The following CCT6B variants were observed in gnomAD, a reference collection of about 807,000 sequenced individuals.
The protein encoded by CCT6B is chaperonin containing TCP1 subunit 6B.
In CCT6B, 49 loss-of-function variants were observed where a neutral mutation model predicts 61.5. That is an observed-to-expected ratio of 0.80 (90% CI 0.63 to 1.01). The LOEUF is 1.01. CCT6B is among the 50% of genes least tolerant of loss of function. The pLI is 0.00. For missense variants in CCT6B, 666 were observed against 634.7 expected, an observed-to-expected ratio of 1.05 and a Z score of -0.53; for synonymous variants, 228 against 214.5, an observed-to-expected ratio of 1.06 and a Z score of -0.55.
intron 4 of CCT6B, among the ~76,000 whole-genome samples, chr17:34,953,337 A>ATT (rs1471699937): frequency 1.4e-4 from 14 of 99,540 alleles, no homozygotes; most frequent in African/African-American, 3.9e-4. Context: ...ATATATATAT[A>ATT]TATATTTTTT....
At chr17:34,936,630 C>A (rs1480438041) in intron 10 of CCT6B, among the ~76,000 whole-genome samples, 2 of 151,920 alleles carry the variant, frequency 1.3e-5, no homozygotes, top group African/African-American at 2.4e-5. Flanking sequence ...ATATTAGCAA[C>A]TAACAATCAG....
At chr17:34,954,801 A>G (rs2090330983) in intron 3 of CCT6B, among the ~76,000 whole-genome samples, 1 of 152,258 alleles carries the variant, frequency 6.6e-6, no homozygotes, top group Non-Finnish European at 1.5e-5. Flanking sequence ...GTCTAGTATT[A>G]AAAATTACAG....
chr17:34,928,700 A>G (rs2089997065), intron 13 of CCT6B, among the ~76,000 whole-genome samples: 1 of 152,184 alleles, frequency 6.6e-6, no homozygotes, highest in Non-Finnish European at 1.5e-5. Flanking sequence ...ATGTGCTATT[A>G]TTTCAGTAAA....
rs565083032 is a variant in CCT6B at position 34,961,460 on chromosome 17, C to T, written c.-67G>A. 71 of 1,560,596 alleles carry T rather than the reference C, an allele frequency of 4.5e-5. No individual in the cohort carries two copies. The African/African-American group carries it at 9.2e-4, about 20-fold the overall frequency. The stretch of plus-strand genomic sequence containing the variant: ...GCGATTCTGAGCAAAAACGGCAATG[C>T]GACGCCACGCTCTCTTGAGCCTCGG... On this transcript the variant is annotated 5_prime_UTR_variant, in exon 1 of 14. Transcript: ENST00000314144.
At chr17:34,942,946 T>C in intron 5 of CCT6B, 40 bp from the exon 6 acceptor site, 1 of 1,148,300 alleles carries the variant, frequency 8.7e-7, no homozygotes. Context: ...GAATATATAC[T>C]CTAAAATTTG....
At chr17:34,958,905 CTT>C (rs2090379179) in intron 2 of CCT6B, among the ~76,000 whole-genome samples, 2 of 152,110 alleles carry the variant, frequency 1.3e-5, no homozygotes, top group Non-Finnish European at 1.5e-5. Context: ...TCATAAAAGT[CTT>C]TGCTTCAGAA....
intron 5 of CCT6B, 96 bp downstream of exon 5, chr17:34,951,854 A>G: frequency 1.7e-6 from 1 of 573,378 alleles, no homozygotes; most frequent in Non-Finnish European, 3.0e-6. Flanking sequence ...GTGAATGAAT[A>G]TATTTATGTT....
In CCT6B at chr17:34,954,408, A is replaced by G. The variant is rs1026406139; in HGVS notation, c.510+18T>C. Reference sequence around the variant, plus strand: ...ATTAGGCTATATTTGTTCTGAATGCAAAAGTTTAATAACATACCTCTGTTA... The same window carrying G: ...ATTAGGCTATATTTGTTCTGAATGCGAAAGTTTAATAACATACCTCTGTTA... On this transcript the variant is annotated intron_variant, in intron 4 of 13. Transcript: ENST00000314144. 4.4e-6 allele frequency: 7 copies of G among 1,576,228 alleles called. No individual in the cohort carries two copies. The East Asian group carries it at 9.1e-5, about 21-fold the overall frequency.
At chr17:34,952,906 C>G (rs2090308059) in intron 4 of CCT6B, among the ~76,000 whole-genome samples, 2 of 152,120 alleles carry the variant, frequency 1.3e-5, no homozygotes, top group South Asian at 4.1e-4. Context: ...TTCTGTAACT[C>G]TAAAACAGAA....
At chr17:34,941,470 A>G (rs990911664) in intron 7 of CCT6B, among the ~76,000 whole-genome samples, 1 of 152,240 alleles carries the variant, frequency 6.6e-6, no homozygotes, top group Non-Finnish European at 1.5e-5. Context: ...TCTTTTAAGT[A>G]TTGGAAAGCT....
intron 10 of CCT6B, among the ~76,000 whole-genome samples, chr17:34,938,356 C>T (rs1019768130): frequency 2.6e-5 from 4 of 151,972 alleles, no homozygotes; most frequent in African/African-American, 9.7e-5. Flanking sequence ...TGCTTGAGGC[C>T]AGGAGTTCAA....
At chr17:34,933,755 A>C (rs553465737) in intron 10 of CCT6B, among the ~76,000 whole-genome samples, 1 of 152,338 alleles carries the variant, frequency 6.6e-6, no homozygotes, top group African/African-American at 2.4e-5. Context: ...GCAGTACTTA[A>C]AGAGAAATTT....
At position 34,932,321 on chromosome 17, in the gene CCT6B, C is replaced by T. The variant is rs1042923524; in HGVS notation, c.1347+46G>A. 7 of 1,552,438 alleles carry T rather than the reference C, an allele frequency of 4.5e-6. No homozygotes were observed. The South Asian group carries it at 7.5e-5, about 17-fold the overall frequency. On this transcript the variant is annotated intron_variant, in intron 11 of 13. Transcript: ENST00000314144. Reference sequence around the variant, plus strand: ...AATATGGGCAATTTGTAATTAAACACCTTTATGTCTAAGCAGTTGTTATTT... The same window carrying T: ...AATATGGGCAATTTGTAATTAAACATCTTTATGTCTAAGCAGTTGTTATTT...
intron 5 of CCT6B, among the ~76,000 whole-genome samples, chr17:34,948,352 A>G (rs1238621098): frequency 6.6e-6 from 1 of 152,222 alleles, no homozygotes; most frequent in Admixed American, 6.5e-5. Flanking sequence ...TATGACACAA[A>G]AAATCATGTA....
At chr17:34,940,749 C>T (rs2090154184) in intron 7 of CCT6B, 128 bp from the exon 8 acceptor site, 1 of 417,032 alleles carries the variant, frequency 2.4e-6, no homozygotes, top group Admixed American at 4.2e-5. Context: ...TTTATGTAAG[C>T]TCTATCTATA....
chr17:34,953,341 A>ATATATATATATATT (rs1555550678), intron 4 of CCT6B, among the ~76,000 whole-genome samples: 5 of 139,828 alleles, frequency 3.6e-5, no homozygotes, highest in Admixed American at 7.2e-5. Flanking sequence ...ATATATATAT[A>ATATATATATATATT]TTTTTTTGAG....
intron 10 of CCT6B, among the ~76,000 whole-genome samples, chr17:34,935,871 A>C (rs1299972227): frequency 6.6e-6 from 1 of 151,974 alleles, no homozygotes; most frequent in Non-Finnish European, 1.5e-5. Flanking sequence ...GAAAAAAAAA[A>C]AAATCATATG....
chr17:34,952,096 CT>C, intron 4 of CCT6B, 43 bp from the exon 5 acceptor site: 2 of 1,212,450 alleles, frequency 1.6e-6, no homozygotes, highest in Non-Finnish European at 2.4e-6. Flanking sequence ...ATTTGGACTA[CT>C]AAAATAAACC....
At chr17:34,938,580 T>C (rs1330277735) in intron 10 of CCT6B, among the ~76,000 whole-genome samples, 1 of 151,672 alleles carries the variant, frequency 6.6e-6, no homozygotes, top group Non-Finnish European at 1.5e-5. Context: ...TATGTGAGGT[T>C]TGCAGCCAGG....
Sources: gnomAD v4.1 joint callset for allele counts (sites outside exome capture counted in the v4.1 genomes callset) on GRCh38, gnomAD v4.1.1 for gene constraint, MANE v1.5 for transcripts, NCBI Gene and HGNC (gene_info 2026-07-23, HGNC 2026-07-21) for gene names.